The following MIB1 variants were observed in gnomAD, a reference collection of about 807,000 sequenced individuals.
MIB1 encodes the protein MIB E3 ubiquitin protein ligase 1, also known as E3 ubiquitin-protein ligase MIB1.
Under a neutral mutation model 124.5 loss-of-function variants are expected in MIB1, and 278 were observed. That is an observed-to-expected ratio of 2.23 (90% CI 2.02 to 2.47). MIB1 has a LOEUF of 2.47. Ranked by LOEUF, MIB1 falls within the 30% of genes most tolerant of loss-of-function variation. MIB1 has a pLI of 0.00. For missense variants in MIB1, 957 were observed against 1,254.4 expected, an observed-to-expected ratio of 0.76 and a Z score of 3.58; for synonymous variants, 446 against 429.4, an observed-to-expected ratio of 1.04 and a Z score of -0.48.
At chr18:21,793,638 A>G (rs940080930) in intron 7 of MIB1, among the ~76,000 whole-genome samples, 1 of 151,554 alleles carries the variant, frequency 6.6e-6, no homozygotes, top group African/African-American at 2.4e-5. Context: ...AAAATTAGCC[A>G]GGTGTGGTGG....
At chr18:21,717,954 G>A (rs1189555508) in intron 1 of MIB1, among the ~76,000 whole-genome samples, 2 of 152,138 alleles carry the variant, frequency 1.3e-5, no homozygotes, top group South Asian at 2.1e-4. Flanking sequence ...CATGTTTATA[G>A]CAGCACAATT....
At position 21,815,684 on chromosome 18, in the gene MIB1, A is replaced by G. The variant is rs745431396; in HGVS notation, c.1548A>G (p.Leu516=). The G allele has an allele frequency of 5.0e-6, 8 of 1,614,040 alleles. No individual in the cohort carries two copies. The African/African-American group carries it at 1.1e-4, about 22-fold the overall frequency. The change falls in exon 11 of 21, where the codon CTA becomes CTG. Residue 516 remains leucine, a synonymous_variant. Transcript: ENST00000261537. ...FGDEGAVIEV[L]HRGSADLNAR... ...ATGAAGGCGCTGTTATAGAAGTACT[A>G]CATCGAGGTAGTGCTGATTTGAATG...
chr18:21,817,731 A>G, intron 11 of MIB1: 1 of 422,650 alleles, frequency 2.4e-6, no homozygotes, highest in Admixed American at 2.5e-5. Context: ...TCAGTGTTGG[A>G]GATGAAGCTG....
At chr18:21,861,762 T>C (rs987368182) in intron 20 of MIB1, among the ~76,000 whole-genome samples, 6 of 152,112 alleles carry the variant, frequency 3.9e-5, no homozygotes, top group East Asian at 1.9e-4. Context: ...TTTAACTTGG[T>C]ATTAAGGATA....
At chr18:21,822,345 T>G (rs528143772) in intron 12 of MIB1, among the ~76,000 whole-genome samples, 2 of 152,372 alleles carry the variant, frequency 1.3e-5, no homozygotes, top group South Asian at 2.1e-4. Flanking sequence ...ATGCTAAGCC[T>G]ATACAAGGAA....
intron 1 of MIB1, among the ~76,000 whole-genome samples, chr18:21,725,949 C>T (rs2040739968): frequency 1.3e-5 from 2 of 152,140 alleles, no homozygotes; most frequent in African/African-American, 4.8e-5. Context: ...TATTTTTGGC[C>T]ACCTCAGCAT....
intron 1 of MIB1, among the ~76,000 whole-genome samples, chr18:21,729,731 C>T (rs1245556200): frequency 2.0e-5 from 3 of 152,284 alleles, no homozygotes; most frequent in African/African-American, 7.2e-5. Context: ...CTCAAGTGAT[C>T]CGCCTGCCTC....
At chr18:21,753,035 CT>C (rs1421987068) in intron 1 of MIB1, among the ~76,000 whole-genome samples, 2 of 152,002 alleles carry the variant, frequency 1.3e-5, no homozygotes, top group Non-Finnish European at 2.9e-5. Flanking sequence ...TTTCTGCCCC[CT>C]CCCTACCCCA....
At chr18:21,731,271 GCTT>G in intron 1 of MIB1, among the ~76,000 whole-genome samples, 1 of 152,200 alleles carries the variant, frequency 6.6e-6, no homozygotes, top group African/African-American at 2.4e-5. Context: ...TTTTTGTCTA[GCTT>G]CTTTCACTCA....
At chr18:21,848,315 G>A (rs1449716616) in intron 16 of MIB1, among the ~76,000 whole-genome samples, 3 of 151,996 alleles carry the variant, frequency 2.0e-5, no homozygotes, top group Non-Finnish European at 4.4e-5. Flanking sequence ...AACTAGCTGG[G>A]CGCATGCCTA....
At chr18:21,788,739 A>G (rs554283780) in intron 6 of MIB1, among the ~76,000 whole-genome samples, 4 of 152,346 alleles carry the variant, frequency 2.6e-5, no homozygotes, top group African/African-American at 9.6e-5. Context: ...CACAAAAGCT[A>G]TTGTAGCTAA....
Position 21,865,605 on chromosome 18 carries a change from A to C in MIB1, c.*939A>C, listed in dbSNP as rs1375738133. ...AGGTTCTATTTAGCTTTGCAGATGT[A>C]CATAGTATCCCAGTGATCTGCAAAA... On this transcript the variant is annotated 3_prime_UTR_variant, in exon 21 of 21. Transcript: ENST00000261537. 2 of 152,664 alleles carry C rather than the reference A, an allele frequency of 1.3e-5. No individual in the cohort carries two copies. 9.5% of individuals were successfully genotyped at this position (152,664 alleles called of 1,614,324 possible). A position where few individuals can be genotyped will look rare whatever the true frequency, so the allele number is the denominator to read the frequency against.
In MIB1 at chr18:21,868,852, A is replaced by AG. The variant is rs747890184; in HGVS notation, c.*4191dup. On this transcript the variant is annotated 3_prime_UTR_variant, in exon 21 of 21. Transcript: ENST00000261537. ...TCGTGTACATTGCTTTACTACAGTG[A>AG]GGGGGAATATCCTTTAGATTGAGCC... The AG allele has an allele frequency of 2.0e-5, 3 of 152,428 alleles. No individual in the cohort carries two copies. Among genetic ancestry groups the AG allele is most frequent in the Non-Finnish European group, 4.4e-5 (3 of 67,892 alleles). The allele number at this position is 152,428 out of a possible 1,614,324, so 9.4% of individuals were successfully genotyped here.
At chr18:21,816,937 G>GT (rs1350515642) in intron 11 of MIB1, among the ~76,000 whole-genome samples, 1 of 151,994 alleles carries the variant, frequency 6.6e-6, no homozygotes, top group Non-Finnish European at 1.5e-5. Flanking sequence ...ACCTGCTGAC[G>GT]TTTTTTGTCT....
chr18:21,848,222 G>A (rs2042151115), intron 16 of MIB1, among the ~76,000 whole-genome samples: 2 of 152,126 alleles, frequency 1.3e-5, no homozygotes, highest in Non-Finnish European at 2.9e-5. Flanking sequence ...CACTTTGGGA[G>A]GCCGAGGCAG....
chr18:21,796,309 C>T (rs1314978118), intron 7 of MIB1, among the ~76,000 whole-genome samples: 1 of 151,314 alleles, frequency 6.6e-6, no homozygotes, highest in Non-Finnish European at 1.5e-5. Context: ...AACCAAACAC[C>T]ACATGTTCTC....
chr18:21,738,861 A>C (rs1158496924), upstream of MIB1, among the ~76,000 whole-genome samples: 5 of 144,394 alleles, frequency 3.5e-5, no homozygotes, highest in South Asian at 1.1e-3. Flanking sequence ...AAAAAAAAAA[A>C]AAAAAACCAA....
intron 6 of MIB1, among the ~76,000 whole-genome samples, chr18:21,787,938 G>T (rs1312836002): frequency 6.6e-6 from 1 of 151,872 alleles, no homozygotes; most frequent in African/African-American, 2.4e-5. Flanking sequence ...TAAAATGCCT[G>T]CTCCTCTTTT....
Position 21,778,168 on chromosome 18 carries a change from A to G in MIB1, c.702A>G (p.Leu234=), listed in dbSNP as rs767995615. 5 of 1,595,236 alleles carry G rather than the reference A, an allele frequency of 3.1e-6. No individual in the cohort carries two copies. Among genetic ancestry groups the G allele is most frequent in the East Asian group, 2.2e-5 (1 of 44,764 alleles). Residue 234 remains leucine, a splice_region_variant and synonymous_variant, in exon 5 of 21, where the codon CTA becomes CTG. Transcript: ENST00000261537. ...GSFYRDHCPV[L]GEQNGNRNPG... ...TCTACAGAGATCACTGCCCTGTGCT[A>G]GGTGAGTGAGAAGATTAGAGAGTAT...
Sources: allele counts gnomAD v4.1 joint callset (sites outside exome capture counted in the v4.1 genomes callset), GRCh38; gene constraint gnomAD v4.1.1; transcripts MANE v1.5; gene names NCBI Gene and HGNC (gene_info 2026-07-23, HGNC 2026-07-21).